CACNA1C: variants seen among roughly 807,000 people sequenced by gnomAD.
CACNA1C encodes the protein calcium voltage-gated channel subunit alpha1 C.
CACNA1C carries 30 observed loss-of-function variants against 229.0 expected under a neutral mutation model. The ratio of observed to expected loss-of-function variants is 0.13; its 90% CI spans 0.10 to 0.18. The LOEUF is 0.18. Ranked by LOEUF, CACNA1C falls within the 10% of genes least tolerant of loss-of-function variation. CACNA1C has a pLI of 1.00. For missense variants in CACNA1C, 1,658 were observed against 2,845.0 expected (o/e 0.58, Z 9.49); for synonymous variants, 1,114 against 1,132.5 (o/e 0.98, Z 0.33).
chr12:2,635,839 T>A (rs2092529760), intron 30 of CACNA1C, among the ~76,000 whole-genome samples: 2 of 152,122 alleles, frequency 1.3e-5, no homozygotes, highest in African/African-American at 4.8e-5. Context: ...TGTCTGTGTG[T>A]GTGTGAGCAT....
At chr12:2,090,813 C>CGT (rs2070490918) in intron 1 of CACNA1C, among the ~76,000 whole-genome samples, 1 of 152,154 alleles carries the variant, frequency 6.6e-6, no homozygotes, top group African/African-American at 2.4e-5. Context: ...GAGGAATCGC[C>CGT]ATACAGTTTT....
At position 2,688,693 on chromosome 12, in the gene CACNA1C, G is replaced by T. The variant is rs193922615; in HGVS notation, c.6031G>T (p.Val2011Phe). ...GGGGSSAARR[V>F]RPVSLMVPSQ... is the part of the protein sequence containing the mutation. Reference sequence around the variant, plus strand: ...CGGGGGCAGCAGCGCCGCCCGGAGAGTCCGGCCCGTCTCCCTCATGGTGCC... The same window carrying T: ...CGGGGGCAGCAGCGCCGCCCGGAGATTCCGGCCCGTCTCCCTCATGGTGCC... Residue 2011 changes from valine to phenylalanine, a missense_variant, in exon 46 of 47, where the codon GTC becomes TTC. Val to Phe is a conservative substitution (Grantham distance 50, BLOSUM62 -1). Coordinates refer to ENST00000399655, the MANE Select transcript of CACNA1C (RefSeq NM_000719.7). 8.7e-6 allele frequency: 14 copies of T among 1,612,134 alleles called. No individual in the cohort carries two copies. The highest frequency in any genetic ancestry group is 1.2e-5 in the Non-Finnish European group (14 of 1,179,370).
chr12:2,463,069 C>T (rs553787390), intron 5 of CACNA1C, among the ~76,000 whole-genome samples: 23 of 137,354 alleles, frequency 1.7e-4, no homozygotes, highest in Middle Eastern at 3.5e-3. Flanking sequence ...CCCGCCACCA[C>T]GCCCGGCTAA....
At chr12:2,256,385 C>T (rs546442849) in intron 3 of CACNA1C, among the ~76,000 whole-genome samples, 14 of 152,280 alleles carry the variant, frequency 9.2e-5, no homozygotes, top group East Asian at 7.7e-4. Context: ...CCTGTGTCTA[C>T]GTTGCTAGAA....
At position 2,488,099 on chromosome 12, in the gene CACNA1C, C is replaced by A. The variant is rs777204344; in HGVS notation, c.916+1837C>A. Among the ~76,000 whole-genome samples, 2 of 152,186 alleles carry A rather than the reference C, an allele frequency of 1.3e-5. No homozygotes were observed. Among genetic ancestry groups the A allele is most frequent in the Non-Finnish European group, 2.9e-5 (2 of 68,036 alleles). On this transcript the variant is annotated intron_variant, in intron 6 of 46. Transcript: ENST00000399655. This position sits in a 1 kb window ranked among gnomAD's most constrained non-coding sequence, Gnocchi z 4.0. The stretch of plus-strand genomic sequence containing the variant: ...GGGAGAGCGAAATGGTAGAATTCAG[C>A]CATCGAGCCAAAGATGGCGGCCCTG...
chr12:2,590,378 A>G (rs1371324517), intron 18 of CACNA1C, among the ~76,000 whole-genome samples: 1 of 152,212 alleles, frequency 6.6e-6, no homozygotes, highest in Non-Finnish European at 1.5e-5. Context: ...AAGAACAAAA[A>G]TTAGAAAAGA....
rs1412676393 is a variant in CACNA1C, at chr12:2,319,696, C to T, written c.478-129280C>T. On this transcript the variant is annotated intron_variant, in intron 3 of 46. Coordinates refer to ENST00000399655, the MANE Select transcript of CACNA1C (RefSeq NM_000719.7). This position sits in a 1 kb window ranked among gnomAD's most constrained non-coding sequence, Gnocchi z 4.0. ...GCTCTTGCTGTGTATTAAATTTGAT[C>T]TGGGGTGTCTGCAAATGTTGGTGCT... Among the ~76,000 whole-genome samples, 1 of 152,148 alleles carries T rather than the reference C, an allele frequency of 6.6e-6. No homozygotes were observed. Among genetic ancestry groups the T allele is most frequent in the Non-Finnish European group, 1.5e-5 (1 of 68,024 alleles).
Position 2,346,340 on chromosome 12 carries a change from G to T in CACNA1C, c.478-102636G>T, listed in dbSNP as rs1305161376. ...CTGTGTGTCTTTGTAATGTGTGTGT[G>T]TGCCTATGTATGTCTCTGTGTTTGT... On this transcript the variant is annotated intron_variant, in intron 3 of 46. Coordinates refer to ENST00000399655, the MANE Select transcript of CACNA1C (RefSeq NM_000719.7). The surrounding 1 kb of genome is among the most constrained non-coding windows in gnomAD (Gnocchi z 4.4). Among the ~76,000 whole-genome samples, 1 of 152,086 alleles carries T rather than the reference G, an allele frequency of 6.6e-6. No homozygotes were observed. The highest frequency in any genetic ancestry group is 1.9e-4 in the East Asian group (1 of 5,198).
At chr12:2,659,361 C>T (rs772875690) in intron 34 of CACNA1C, among the ~76,000 whole-genome samples, 1 of 152,184 alleles carries the variant, frequency 6.6e-6, no homozygotes, top group African/African-American at 2.4e-5. Flanking sequence ...AGTACAGTCA[C>T]ATGCTGTATA....
intron 3 of CACNA1C, among the ~76,000 whole-genome samples, chr12:2,209,515 G>C (rs531727012): frequency 1.3e-5 from 2 of 152,296 alleles, no homozygotes; most frequent in African/African-American, 2.4e-5. Flanking sequence ...GTTTCATAAG[G>C]TGGTTCACTG....
At chr12:2,059,159 G>A (rs1162872482) in intron 1 of CACNA1C, among the ~76,000 whole-genome samples, 1 of 152,194 alleles carries the variant, frequency 6.6e-6, no homozygotes, top group African/African-American at 2.4e-5. Flanking sequence ...GCTGGGAGAT[G>A]GGGAGCCCAG....
At chr12:1,976,456 A>C (rs760306233) in intron 1 of CACNA1C, among the ~76,000 whole-genome samples, 54 of 152,244 alleles carry the variant, frequency 3.5e-4, no homozygotes, top group Non-Finnish European at 5.3e-4. Flanking sequence ...CATACAGTAA[A>C]AGAGCCTCAA....
At chr12:2,329,847 G>A (rs2283300) in intron 3 of CACNA1C, among the ~76,000 whole-genome samples, 15,630 of 152,198 alleles carry the variant, frequency 0.1, 889 homozygotes, top group South Asian at 0.14. Context: ...GGAAAGGGCC[G>A]TGCTGCAGAA....
chr12:2,455,786 C>G (rs1179293023), intron 4 of CACNA1C, among the ~76,000 whole-genome samples: 2 of 152,174 alleles, frequency 1.3e-5, no homozygotes, highest in South Asian at 2.1e-4. Flanking sequence ...ACTGACCGCT[C>G]TCTTCATGGG....
intron 3 of CACNA1C, among the ~76,000 whole-genome samples, chr12:2,419,584 A>C (rs2098953141): frequency 6.6e-6 from 1 of 151,908 alleles, no homozygotes; most frequent in Non-Finnish European, 1.5e-5. Context: ...ATCAAATTAG[A>C]CTCGTTAGGG....
chr12:2,178,719 C>T (rs530709508), intron 3 of CACNA1C, among the ~76,000 whole-genome samples: 7 of 152,198 alleles, frequency 4.6e-5, no homozygotes, highest in Non-Finnish European at 1.0e-4. Context: ...TAACAGGACC[C>T]GTGATTGTGA....
intron 25 of CACNA1C, 114 bp from the exon 26 acceptor site, chr12:2,606,870 C>A: frequency 1.6e-6 from 2 of 1,257,692 alleles, no homozygotes; most frequent in Non-Finnish European, 2.3e-6. Flanking sequence ...ATGGCTAGAA[C>A]GGTGAAGTTC....
intron 12 of CACNA1C, among the ~76,000 whole-genome samples, chr12:2,567,359 G>C (rs368154912): frequency 1.3e-5 from 2 of 152,372 alleles, no homozygotes; most frequent in South Asian, 4.1e-4. Flanking sequence ...TGGTGCATGG[G>C]AGATGCTCAG....
chr12:2,190,593 C>A (rs1486706223), intron 3 of CACNA1C, among the ~76,000 whole-genome samples: 1 of 152,140 alleles, frequency 6.6e-6, no homozygotes, highest in Non-Finnish European at 1.5e-5. Context: ...TAATACAGTT[C>A]CTTTCCTCAA....
Sources: allele counts gnomAD v4.1 joint callset (sites outside exome capture counted in the v4.1 genomes callset), GRCh38; gene constraint gnomAD v4.1.1; non-coding constraint Gnocchi (gnomAD v3.1); transcripts MANE v1.5; gene names NCBI Gene and HGNC (gene_info 2026-07-23, HGNC 2026-07-21).